NCKAP5: variants seen among roughly 807,000 people sequenced by gnomAD.
NCKAP5 encodes the protein NCK associated protein 5.
In NCKAP5, 92 loss-of-function variants were observed where a neutral mutation model predicts 167.0. The observed-to-expected ratio is 0.55, with a 90% CI of 0.47 to 0.66. The LOEUF (loss-of-function observed/expected upper bound fraction) is 0.66, where lower values mean the gene tolerates loss of function less well. Ranked by LOEUF, NCKAP5 falls within the 30% of genes least tolerant of loss-of-function variation. The pLI, the probability that NCKAP5 is intolerant of heterozygous loss-of-function variation, is 0.00. For synonymous variants in NCKAP5, 891 were observed against 877.4 expected (o/e 1.02, Z -0.27); for missense variants, 2,378 against 2,315.0 (o/e 1.03, Z -0.56).
intron 8 of NCKAP5, among the ~76,000 whole-genome samples, chr2:132,920,699 ATACGTATATG>A: frequency 8.0e-6 from 1 of 124,646 alleles, no homozygotes; most frequent in African/African-American, 3.4e-5. Context: ...ATATATATAT[ATACGTATATG>A]TATATATATG....
At position 133,213,583 on chromosome 2, in the gene NCKAP5, C is replaced by T; in HGVS notation, c.207+133G>A. The T allele has an allele frequency of 3.7e-6, 3 of 807,038 alleles. No individual in the cohort carries two copies. The South Asian group carries it at 4.9e-5, about 13-fold the overall frequency. The allele number at this position is 807,038 out of a possible 1,614,324, so 50.0% of individuals were successfully genotyped here. ...AGCTGTATAAATTCTATTATAAATA[C>T]ATCATTTGCCAAAATATCATTAAGT... is the stretch of plus-strand genomic sequence containing the variant. On this transcript the variant is annotated intron_variant, in intron 5 of 19. Transcript: ENST00000409261.
At chr2:132,924,288 A>T (rs1252308233) in intron 8 of NCKAP5, among the ~76,000 whole-genome samples, 1 of 152,078 alleles carries the variant, frequency 6.6e-6, no homozygotes, top group Non-Finnish European at 1.5e-5. Context: ...CTTGTGCTGT[A>T]CTCTGGGCCC....
At chr2:132,733,793 A>C (rs887270637) in intron 16 of NCKAP5, among the ~76,000 whole-genome samples, 1 of 152,180 alleles carries the variant, frequency 6.6e-6, no homozygotes, top group Non-Finnish European at 1.5e-5. Context: ...GAATTTCCTA[A>C]TACTGAGGCA....
intron 4 of NCKAP5, among the ~76,000 whole-genome samples, chr2:133,214,373 G>A (rs924222966): frequency 6.6e-6 from 1 of 151,958 alleles, no homozygotes; most frequent in Admixed American, 6.6e-5. Flanking sequence ...GTCCTCAGCT[G>A]GTATATAGTA....
chr2:133,027,325 A>T (rs1334658038), intron 6 of NCKAP5, among the ~76,000 whole-genome samples: 1 of 152,224 alleles, frequency 6.6e-6, no homozygotes, highest in East Asian at 1.9e-4. Context: ...TTAAAGGATT[A>T]TAGATTATAT....
chr2:133,207,117 C>T (rs751508395), intron 5 of NCKAP5, among the ~76,000 whole-genome samples: 1 of 152,028 alleles, frequency 6.6e-6, no homozygotes, highest in African/African-American at 2.4e-5. Context: ...TCCTTGTGAC[C>T]TTCTCCCTGT....
chr2:132,915,936 G>A (rs969832125), intron 8 of NCKAP5, among the ~76,000 whole-genome samples: 1 of 151,932 alleles, frequency 6.6e-6, no homozygotes, highest in Non-Finnish European at 1.5e-5. Context: ...CCCAACACTA[G>A]AGCATTGGTT....
chr2:133,274,639 T>C (rs2089653497), intron 4 of NCKAP5, among the ~76,000 whole-genome samples: 1 of 151,936 alleles, frequency 6.6e-6, no homozygotes, highest in Admixed American at 6.6e-5. Flanking sequence ...AGGTAAGAGA[T>C]GTGGGTTAAT....
chr2:133,223,499 G>A (rs1203965369), intron 4 of NCKAP5, among the ~76,000 whole-genome samples: 1 of 152,190 alleles, frequency 6.6e-6, no homozygotes, highest in Non-Finnish European at 1.5e-5. Context: ...CAGTCCCTGA[G>A]TAATGGTTAA....
At chr2:133,057,666 C>T (rs767725246) in intron 6 of NCKAP5, among the ~76,000 whole-genome samples, 2 of 152,168 alleles carry the variant, frequency 1.3e-5, no homozygotes, top group African/African-American at 2.4e-5. Flanking sequence ...TAGAGTAGTT[C>T]ATGAGGTTTA....
chr2:132,759,835 C>T (rs1343473459), intron 16 of NCKAP5, among the ~76,000 whole-genome samples: 1 of 151,788 alleles, frequency 6.6e-6, no homozygotes, highest in Non-Finnish European at 1.5e-5. Context: ...CAGATTTCTA[C>T]CTTTTATTTT....
chr2:133,368,324 G>A (rs1685581898), intron 3 of NCKAP5, among the ~76,000 whole-genome samples: 1 of 152,192 alleles, frequency 6.6e-6, no homozygotes, highest in South Asian at 2.1e-4. Context: ...TTAAAAAGAT[G>A]CTATGTAAAT....
intron 19 of NCKAP5, among the ~76,000 whole-genome samples, chr2:132,707,385 G>T (rs545777804): frequency 1.3e-5 from 2 of 152,330 alleles, no homozygotes; most frequent in Admixed American, 1.3e-4. Context: ...AAGCCTTGTG[G>T]GCTAATGTGG....
At chr2:133,202,526 A>C (rs2085744260) in intron 5 of NCKAP5, among the ~76,000 whole-genome samples, 1 of 152,188 alleles carries the variant, frequency 6.6e-6, no homozygotes, top group Non-Finnish European at 1.5e-5. Flanking sequence ...CAGAAGCCAA[A>C]ATTGACAAAT....
intron 5 of NCKAP5, among the ~76,000 whole-genome samples, chr2:133,188,344 A>C (rs972109820): frequency 1.3e-5 from 2 of 152,104 alleles, no homozygotes; most frequent in Non-Finnish European, 2.9e-5. Flanking sequence ...GGAGACTTTT[A>C]ACAGTCCACT....
intron 4 of NCKAP5, among the ~76,000 whole-genome samples, chr2:133,233,745 A>G (rs921157267): frequency 1.1e-4 from 17 of 152,162 alleles, no homozygotes; most frequent in African/African-American, 4.1e-4. Context: ...ACTATTCTAC[A>G]TGCTTTTACA....
chr2:132,692,018 CT>C (rs1686788948), intron 19 of NCKAP5, among the ~76,000 whole-genome samples: 1 of 152,172 alleles, frequency 6.6e-6, no homozygotes, highest in African/African-American at 2.4e-5. Context: ...TACAAAACCT[CT>C]GTTCAAATGT....
chr2:133,538,344 T>G (rs1248941337), intron 2 of NCKAP5, among the ~76,000 whole-genome samples: 1 of 152,184 alleles, frequency 6.6e-6, no homozygotes, highest in Non-Finnish European at 1.5e-5. Flanking sequence ...CTTAAAAACT[T>G]TGAGAATCAG....
chr2:133,348,839 G>A (rs1480786532), intron 3 of NCKAP5, among the ~76,000 whole-genome samples: 1 of 152,082 alleles, frequency 6.6e-6, no homozygotes, highest in African/African-American at 2.4e-5. Context: ...CAAGAAATAA[G>A]AAGACACATG....
Sources: allele counts gnomAD v4.1 joint callset (sites outside exome capture counted in the v4.1 genomes callset), GRCh38; gene constraint gnomAD v4.1.1; transcripts MANE v1.5; gene names NCBI Gene and HGNC (gene_info 2026-07-23, HGNC 2026-07-21).